ZFYVE28: variants seen among roughly 807,000 people sequenced by gnomAD.
ZFYVE28 encodes lateral signaling target protein 2 homolog.
ZFYVE28 carries 40 observed loss-of-function variants against 82.1 expected under a neutral mutation model. That is an observed-to-expected ratio of 0.49 (90% CI 0.38 to 0.63). The LOEUF (loss-of-function observed/expected upper bound fraction) is 0.63. Among genes scored for constraint, ZFYVE28 ranks in the 30% least tolerant of loss-of-function variants. The pLI is 0.00. For missense variants in ZFYVE28, 1,321 were observed against 1,242.1 expected, an observed-to-expected ratio of 1.06 and a Z score of -0.96; for synonymous variants, 612 against 546.1, an observed-to-expected ratio of 1.12 and a Z score of -1.68.
intron 6 of ZFYVE28, among the ~76,000 whole-genome samples, chr4:2,321,080 G>A (rs1560200424): frequency 6.6e-6 from 1 of 152,062 alleles, no homozygotes; most frequent in Non-Finnish European, 1.5e-5. Context: ...TTCTCTGGGT[G>A]CCTCCTCCTG....
Position 2,298,697 on chromosome 4 carries a change from G to A in ZFYVE28, c.2051+5592C>T, listed in dbSNP as rs76879150. 4.9e-3 allele frequency among the ~76,000 whole-genome samples: 753 copies of A among 152,326 alleles called. 7 individuals carry two copies. The highest frequency in any genetic ancestry group is 0.017 in the African/African-American group (710 of 41,570). Reference sequence around the variant, plus strand: ...AGGACTCAAGTACAGTCACAGAGGCGCCCGACTGCACGACGGAGCAGGCCT... The same window carrying A: ...AGGACTCAAGTACAGTCACAGAGGCACCCGACTGCACGACGGAGCAGGCCT... On this transcript the variant is annotated intron_variant, in intron 8 of 12. Transcript: ENST00000290974.
At chr4:2,356,939 G>A (rs1725420912) in intron 1 of ZFYVE28, among the ~76,000 whole-genome samples, 1 of 152,094 alleles carries the variant, frequency 6.6e-6, no homozygotes, top group African/African-American at 2.4e-5. Context: ...AGTACACTCT[G>A]CTGCCCAGGC....
chr4:2,350,574 A>G (rs1724267136), intron 2 of ZFYVE28, among the ~76,000 whole-genome samples: 1 of 152,152 alleles, frequency 6.6e-6, no homozygotes. Flanking sequence ...CCAGAGTGAT[A>G]GGAGTTCACT....
At chr4:2,366,801 CCT>C (rs1423297396) in intron 1 of ZFYVE28, among the ~76,000 whole-genome samples, 1 of 152,220 alleles carries the variant, frequency 6.6e-6, no homozygotes, top group Admixed American at 6.5e-5. Context: ...GGGTTGGCCC[CCT>C]GAGGATGAGG....
chr4:2,286,539 C>T (rs994426488), intron 8 of ZFYVE28: 1 of 152,330 alleles, frequency 6.6e-6, no homozygotes, highest in African/African-American at 2.4e-5. Context: ...TGGGGAGACC[C>T]TGAGCACAGA....
chr4:2,351,245 G>A (rs763424885), intron 2 of ZFYVE28, among the ~76,000 whole-genome samples: 4 of 152,136 alleles, frequency 2.6e-5, no homozygotes, highest in East Asian at 1.9e-4. Flanking sequence ...GGAATGACTC[G>A]GTGTGTGGGG....
chr4:2,295,135 T>C (rs1274649657), intron 8 of ZFYVE28, among the ~76,000 whole-genome samples: 1 of 151,216 alleles, frequency 6.6e-6, no homozygotes, highest in African/African-American at 2.4e-5. Flanking sequence ...ATGCCAATCA[T>C]ATTTCAATAA....
intron 1 of ZFYVE28, among the ~76,000 whole-genome samples, chr4:2,414,776 A>T (rs1039107399): frequency 2.0e-5 from 3 of 152,196 alleles, no homozygotes; most frequent in Non-Finnish European, 4.4e-5. Flanking sequence ...CCTCCTAGTG[A>T]CCAGGAACTT....
chr4:2,316,311 G>C (rs1718200982), intron 7 of ZFYVE28: 3 of 152,138 alleles, frequency 2.0e-5, no homozygotes, highest in Admixed American at 2.0e-4. Context: ...CTCCATTTCT[G>C]ACCTGGGCAG....
chr4:2,360,261 T>A (rs921464051), intron 1 of ZFYVE28, among the ~76,000 whole-genome samples: 2 of 151,396 alleles, frequency 1.3e-5, no homozygotes, highest in African/African-American at 4.9e-5. Context: ...GGCACCACAG[T>A]CACACTGCTG....
chr4:2,371,076 C>A (rs1431972870), intron 1 of ZFYVE28, among the ~76,000 whole-genome samples: 1 of 152,188 alleles, frequency 6.6e-6, no homozygotes, highest in Non-Finnish European at 1.5e-5. Flanking sequence ...GGTTTCGGGC[C>A]CCGCTCCTTA....
Position 2,371,482 on chromosome 4 carries a change from T to C in ZFYVE28, c.40-17409A>G, listed in dbSNP as rs528180622. 8.5e-5 allele frequency among the ~76,000 whole-genome samples: 13 copies of C among 152,288 alleles called. No homozygotes were observed. In the South Asian group the frequency reaches 2.3e-3, roughly 27 times the overall value. ...AAAAATTATTTGCAAAATAGTCCAG[T>C]GAGAGCCTGTACTTTATTTTTATGC... On this transcript the variant is annotated intron_variant, in intron 1 of 12. Coordinates refer to ENST00000290974, the MANE Select transcript of ZFYVE28 (RefSeq NM_020972.3).
chr4:2,306,472 C>T (rs574637205), intron 7 of ZFYVE28, among the ~76,000 whole-genome samples: 4 of 152,316 alleles, frequency 2.6e-5, no homozygotes, highest in African/African-American at 7.2e-5. Flanking sequence ...CTCCATAGGC[C>T]GAGGCACGCA....
intron 1 of ZFYVE28, among the ~76,000 whole-genome samples, chr4:2,363,920 G>A (rs1290588288): frequency 6.6e-6 from 1 of 152,172 alleles, no homozygotes; most frequent in Non-Finnish European, 1.5e-5. Flanking sequence ...CTTCCAATAA[G>A]CAATGAGGCC....
At chr4:2,331,432 G>A (rs960076522) in intron 6 of ZFYVE28, among the ~76,000 whole-genome samples, 3 of 151,836 alleles carry the variant, frequency 2.0e-5, no homozygotes, top group Non-Finnish European at 2.9e-5. Context: ...GCTAGAGCCC[G>A]GGAACTCGAG....
Position 2,301,164 on chromosome 4 carries a change from C to A in ZFYVE28, c.2051+3125G>T, listed in dbSNP as rs1236169601. On this transcript the variant is annotated intron_variant, in intron 8 of 12. Coordinates refer to ENST00000290974, the MANE Select transcript of ZFYVE28 (RefSeq NM_020972.3). ...CCCCCGTATTGGTGTGAGGTGACACCTGGGAGGACAGGCTATGTCTCTTGT... is the reference window on the plus strand; with the variant it reads ...CCCCCGTATTGGTGTGAGGTGACACATGGGAGGACAGGCTATGTCTCTTGT... 2.0e-5 allele frequency among the ~76,000 whole-genome samples: 3 copies of A among 152,190 alleles called. No homozygotes were observed. The East Asian group carries it at 5.8e-4, about 29-fold the overall frequency.
At chr4:2,366,786 AGGCTG>A (rs1293648469) in intron 1 of ZFYVE28, among the ~76,000 whole-genome samples, 4 of 152,242 alleles carry the variant, frequency 2.6e-5, no homozygotes, top group Admixed American at 6.5e-5. Flanking sequence ...CTCTAGGAAG[AGGCTG>A]GGTTGGCCCC....
At chr4:2,338,307 G>A (rs1046399607) in intron 4 of ZFYVE28, among the ~76,000 whole-genome samples, 1 of 152,200 alleles carries the variant, frequency 6.6e-6, no homozygotes, top group Non-Finnish European at 1.5e-5. Flanking sequence ...CCAACTCTAG[G>A]CCAGGTGCAG....
Position 2,270,009 on chromosome 4 carries a change from G to C in ZFYVE28, c.*716C>G, listed in dbSNP as rs1008948545. On this transcript the variant is annotated 3_prime_UTR_variant, in exon 13 of 13. Coordinates refer to ENST00000290974, the MANE Select transcript of ZFYVE28 (RefSeq NM_020972.3). ...ATTGGTAAACCCGACCCAAGGCCCC[G>C]AGCAACCTCTGCCTGCGGTGTCAGT... The C allele has an allele frequency of 6.6e-6, 1 of 152,294 alleles. No homozygotes were observed. The highest frequency in any genetic ancestry group is 1.5e-5 in the Non-Finnish European group (1 of 68,140). 9.4% of individuals were successfully genotyped at this position (152,294 alleles called of 1,614,324 possible).
Sources: allele counts gnomAD v4.1 joint callset (sites outside exome capture counted in the v4.1 genomes callset), GRCh38; gene constraint gnomAD v4.1.1; transcripts MANE v1.5; gene names NCBI Gene and HGNC (gene_info 2026-07-23, HGNC 2026-07-21).